SLC25A48: variants seen among roughly 807,000 people sequenced by gnomAD.
SLC25A48 encodes solute carrier family 25 member 48, also known as CTC-321K16.1.
A neutral mutation model predicts 32.2 loss-of-function variants in SLC25A48; 29 were observed. The observed-to-expected ratio is 0.90, with a 90% CI of 0.67 to 1.23. The LOEUF (loss-of-function observed/expected upper bound fraction) is 1.23, where lower values mean the gene tolerates loss of function less well. SLC25A48 is among the 50% of genes most tolerant of loss of function. SLC25A48 has a pLI of 0.00. For synonymous variants in SLC25A48, 164 were observed against 172.3 expected (o/e 0.95, Z 0.38); for missense variants, 399 against 422.7 (o/e 0.94, Z 0.49).
chr5:135,723,405 C>A (rs73789104), intron 3 of SLC25A48, among the ~76,000 whole-genome samples: 7 of 80,270 alleles, frequency 8.7e-5, no homozygotes, highest in South Asian at 4.6e-4. Context: ...CACACACACA[C>A]ACACACACAA....
At chr5:135,747,136 C>G (rs1755660685) in intron 3 of SLC25A48, among the ~76,000 whole-genome samples, 1 of 151,824 alleles carries the variant, frequency 6.6e-6, no homozygotes, top group Admixed American at 6.6e-5. Context: ...TTGTAATTAA[C>G]AAGTATTCTC....
At chr5:135,879,818 C>G (rs1762329323) in intron 6 of SLC25A48, 150 bp from the exon 7 acceptor site, 1 of 1,138,362 alleles carries the variant, frequency 8.8e-7, no homozygotes, top group Non-Finnish European at 1.2e-6. Flanking sequence ...TGGGACTTCC[C>G]TGTGTGGTCT....
At chr5:135,632,253 G>C (rs1241460055) in intron 2 of SLC25A48, among the ~76,000 whole-genome samples, 1 of 152,186 alleles carries the variant, frequency 6.6e-6, no homozygotes, top group African/African-American at 2.4e-5. Context: ...ATGCAGGAAA[G>C]CGGCAAGGAA....
intron 3 of SLC25A48, among the ~76,000 whole-genome samples, chr5:135,706,683 C>T (rs1007880123): frequency 2.6e-5 from 4 of 152,052 alleles, no homozygotes; most frequent in African/African-American, 9.7e-5. Flanking sequence ...CACCAAGATG[C>T]AGTGTGAAGA....
chr5:135,620,934 C>T (rs1440675424), intron 1 of SLC25A48, among the ~76,000 whole-genome samples: 1 of 152,174 alleles, frequency 6.6e-6, no homozygotes, highest in African/African-American at 2.4e-5. Flanking sequence ...TAGGGAGCCT[C>T]TCCAGACTCA....
At chr5:135,823,098 A>T (rs368299582) in intron 4 of SLC25A48, among the ~76,000 whole-genome samples, 8 of 152,030 alleles carry the variant, frequency 5.3e-5, no homozygotes, top group African/African-American at 1.9e-4. Context: ...GAGAGCATGG[A>T]CCACAGGAGC....
At chr5:135,818,103 CTCT>C (rs1757783606) in intron 4 of SLC25A48, among the ~76,000 whole-genome samples, 2 of 112,390 alleles carry the variant, frequency 1.8e-5, no homozygotes, top group Admixed American at 1.9e-4. Flanking sequence ...CTCTCTCTCT[CTCT>C]CTCTCTCTCT....
upstream of SLC25A48, among the ~76,000 whole-genome samples, chr5:135,831,159 G>T (rs1405820381): frequency 6.6e-6 from 1 of 152,320 alleles, no homozygotes; most frequent in East Asian, 1.9e-4. Flanking sequence ...GGGCCTGAAA[G>T]AAGCCGGGCT....
chr5:135,766,016 C>T (rs11242268), intron 3 of SLC25A48, among the ~76,000 whole-genome samples: 45,839 of 151,108 alleles, frequency 0.3, 7,087 homozygotes, highest in East Asian at 0.46. Flanking sequence ...TGATATTACT[C>T]TCCATATCAC....
At chr5:135,634,202 C>T (rs979192892) in intron 2 of SLC25A48, among the ~76,000 whole-genome samples, 1 of 152,214 alleles carries the variant, frequency 6.6e-6, no homozygotes, top group African/African-American at 2.4e-5. Context: ...ACTATGCTGC[C>T]TCCTCAAGAG....
At chr5:135,758,030 A>T (rs1219508686) in intron 3 of SLC25A48, among the ~76,000 whole-genome samples, 1 of 150,650 alleles carries the variant, frequency 6.6e-6, no homozygotes, top group Non-Finnish European at 1.5e-5. Flanking sequence ...TAACACAATG[A>T]TATTTATAGA....
intron 7 of SLC25A48, among the ~76,000 whole-genome samples, chr5:135,886,919 G>GT (rs1300280961): frequency 6.6e-6 from 1 of 151,896 alleles, no homozygotes; most frequent in African/African-American, 2.4e-5. Context: ...GTGCCTTGGA[G>GT]TTGGGGGGCT....
At position 135,843,350 on chromosome 5, in the gene SLC25A48, C is replaced by T. The variant is rs530844369; in HGVS notation, c.90+891C>T. Among the ~76,000 whole-genome samples the T allele has an allele frequency of 9.9e-5, 15 of 152,110 alleles. 1 individual carries two copies. The highest frequency in any genetic ancestry group is 1.9e-4 in the East Asian group (1 of 5,168). On this transcript the variant is annotated intron_variant, in intron 2 of 7. Coordinates refer to ENST00000681962, the MANE Select transcript of SLC25A48 (RefSeq NM_001349336.2). ...TAAGGTGCAGAGTTTAGGAACCTGC[C>T]CCAGACCTCAGAGCCGGGCATTGTA...
At chr5:135,866,960 A>G (rs903469400) in intron 4 of SLC25A48, among the ~76,000 whole-genome samples, 1 of 152,210 alleles carries the variant, frequency 6.6e-6, no homozygotes, top group African/African-American at 2.4e-5. Flanking sequence ...AAAAGGTAGT[A>G]TGCCCTTGAT....
intron 3 of SLC25A48, among the ~76,000 whole-genome samples, chr5:135,639,262 TAGTACAGC>T (rs1171599463): frequency 6.6e-6 from 1 of 152,228 alleles, no homozygotes; most frequent in Non-Finnish European, 1.5e-5. Context: ...TAAAGGGCTA[TAGTACAGC>T]AAGGGAGATG....
intron 3 of SLC25A48, among the ~76,000 whole-genome samples, chr5:135,806,010 G>A (rs1472961319): frequency 6.6e-6 from 1 of 151,572 alleles, no homozygotes; most frequent in African/African-American, 2.4e-5. Flanking sequence ...CCCAGTGAGT[G>A]TTCACCCTGT....
chr5:135,684,796 G>A (rs1040419922), intron 3 of SLC25A48, among the ~76,000 whole-genome samples: 5 of 152,182 alleles, frequency 3.3e-5, no homozygotes, highest in African/African-American at 1.2e-4. Flanking sequence ...TGGCTGCAGA[G>A]TGTTCCATTG....
At chr5:135,650,176 T>C (rs1279666487) in intron 3 of SLC25A48, 1 of 214,300 alleles carries the variant, frequency 4.7e-6, no homozygotes, top group East Asian at 1.7e-4. Flanking sequence ...CCAGAAATTC[T>C]GTGAAGCCTT....
At chr5:135,588,148 C>T (rs1352272186) in intron 1 of SLC25A48, among the ~76,000 whole-genome samples, 1 of 152,232 alleles carries the variant, frequency 6.6e-6, no homozygotes, top group East Asian at 1.9e-4. Context: ...GTTCTTGTAG[C>T]TACTGTTTCA....
Sources: allele counts gnomAD v4.1 joint callset (sites outside exome capture counted in the v4.1 genomes callset), GRCh38; gene constraint gnomAD v4.1.1; transcripts MANE v1.5; gene names NCBI Gene and HGNC (gene_info 2026-07-23, HGNC 2026-07-21).